The following GPC5 variants were observed in gnomAD, a reference collection of about 807,000 sequenced individuals.
GPC5 encodes glypican 5, also known as glypican-5.
A neutral mutation model predicts 53.9 loss-of-function variants in GPC5; 47 were observed. The ratio of observed to expected loss-of-function variants is 0.87; its 90% CI spans 0.69 to 1.11. The LOEUF (loss-of-function observed/expected upper bound fraction) is 1.11, where lower values mean the gene tolerates loss of function less well. Ranked by LOEUF, GPC5 falls within the 50% of genes most tolerant of loss-of-function variation. The pLI is 0.00. For missense variants in GPC5, 748 were observed against 713.1 expected, an observed-to-expected ratio of 1.05 and a Z score of -0.56; for synonymous variants, 286 against 263.3, an observed-to-expected ratio of 1.09 and a Z score of -0.84.
chr13:92,481,864 G>A (rs1566609693), intron 7 of GPC5, among the ~76,000 whole-genome samples: 1 of 152,008 alleles, frequency 6.6e-6, no homozygotes, highest in Non-Finnish European at 1.5e-5. Context: ...CGCAGTGGCT[G>A]ACACCTGTAA....
intron 7 of GPC5, among the ~76,000 whole-genome samples, chr13:92,492,968 T>TG (rs1879822339): frequency 6.6e-6 from 1 of 152,166 alleles, no homozygotes; most frequent in Non-Finnish European, 1.5e-5. Flanking sequence ...CTGACTTCAG[T>TG]ATGTCAAACA....
chr13:91,506,140 A>G (rs1884928336), intron 2 of GPC5, among the ~76,000 whole-genome samples: 1 of 152,134 alleles, frequency 6.6e-6, no homozygotes, highest in Non-Finnish European at 1.5e-5. Context: ...TAAGTAGCCT[A>G]TTTAAGTCAA....
At chr13:92,451,545 G>A (rs1051589422) in intron 7 of GPC5, among the ~76,000 whole-genome samples, 2 of 151,610 alleles carry the variant, frequency 1.3e-5, no homozygotes, top group African/African-American at 4.8e-5. Flanking sequence ...AGTGATTAAC[G>A]TTATGTATAT....
At chr13:92,576,770 G>T (rs1337773732) in intron 7 of GPC5, among the ~76,000 whole-genome samples, 1 of 152,088 alleles carries the variant, frequency 6.6e-6, no homozygotes, top group African/African-American at 2.4e-5. Flanking sequence ...GACAGTTCCA[G>T]CCCACATTGA....
chr13:91,688,497 C>A (rs2035670815), intron 2 of GPC5, among the ~76,000 whole-genome samples: 1 of 151,954 alleles, frequency 6.6e-6, no homozygotes, highest in Non-Finnish European at 1.5e-5. Context: ...TATTGAAAGT[C>A]CCCCAATTTT....
intron 7 of GPC5, among the ~76,000 whole-genome samples, chr13:92,498,104 C>G (rs1355211398): frequency 1.3e-5 from 2 of 152,068 alleles, no homozygotes; most frequent in African/African-American, 4.8e-5. Context: ...CCTGATTGCA[C>G]TGGCCAGAAA....
intron 4 of GPC5, among the ~76,000 whole-genome samples, chr13:91,729,062 T>G (rs2036638048): frequency 6.6e-6 from 1 of 152,218 alleles, no homozygotes; most frequent in Admixed American, 6.5e-5. Context: ...GCTATTGTAT[T>G]GGACAGTGAA....
intron 5 of GPC5, among the ~76,000 whole-genome samples, chr13:91,849,454 C>G (rs1185870443): frequency 6.6e-6 from 1 of 152,002 alleles, no homozygotes; most frequent in South Asian, 2.1e-4. Flanking sequence ...TATTTTATAC[C>G]TTCCAGTATT....
intron 2 of GPC5, among the ~76,000 whole-genome samples, chr13:91,542,669 T>C (rs753075958): frequency 3.9e-5 from 6 of 152,028 alleles, no homozygotes; most frequent in Admixed American, 1.3e-4. Context: ...GATTGCAGTC[T>C]TCCTCAATTT....
chr13:92,260,997 A>C (rs956216494), intron 7 of GPC5, among the ~76,000 whole-genome samples: 1 of 152,212 alleles, frequency 6.6e-6, no homozygotes, highest in African/African-American at 2.4e-5. Context: ...ACTGGGAATT[A>C]TACATCATAA....
intron 7 of GPC5, among the ~76,000 whole-genome samples, chr13:92,318,295 T>C (rs891190932): frequency 6.6e-6 from 1 of 152,138 alleles, no homozygotes; most frequent in Non-Finnish European, 1.5e-5. Flanking sequence ...TGAATTGCAG[T>C]GTTTGCCAAT....
chr13:92,133,783 C>T (rs553102778), intron 6 of GPC5, among the ~76,000 whole-genome samples: 95 of 152,062 alleles, frequency 6.2e-4, no homozygotes, highest in Middle Eastern at 3.4e-3. Flanking sequence ...GGTCATAAAG[C>T]GAAAAGGCAA....
intron 6 of GPC5, among the ~76,000 whole-genome samples, chr13:92,004,283 A>G (rs1337589713): frequency 6.6e-6 from 1 of 151,076 alleles, no homozygotes; most frequent in Admixed American, 6.6e-5. Flanking sequence ...TGTCTCTACT[A>G]AAAATACAAA....
chr13:91,564,487 A>T (rs1470151178), intron 2 of GPC5, among the ~76,000 whole-genome samples: 2 of 152,190 alleles, frequency 1.3e-5, no homozygotes, highest in African/African-American at 4.8e-5. Flanking sequence ...CATCCTTGGG[A>T]TACAGACAGA....
chr13:92,426,980 A>G (rs1290035166), intron 7 of GPC5, among the ~76,000 whole-genome samples: 1 of 151,976 alleles, frequency 6.6e-6, no homozygotes, highest in Non-Finnish European at 1.5e-5. Flanking sequence ...ATGAGAGACG[A>G]ATCTGTTCTT....
chr13:92,349,772 C>G (rs1364225902), intron 7 of GPC5, among the ~76,000 whole-genome samples: 1 of 151,890 alleles, frequency 6.6e-6, no homozygotes, highest in Non-Finnish European at 1.5e-5. Context: ...GAAGAAAAAC[C>G]CAAGACCTGA....
chr13:91,813,902 G>A (rs979371860), intron 5 of GPC5, among the ~76,000 whole-genome samples: 2 of 133,596 alleles, frequency 1.5e-5, no homozygotes, highest in African/African-American at 5.6e-5. Context: ...TATTTAGACT[G>A]TTGGATTATC....
chr13:92,864,601 C>T (rs1358346705), intron 7 of GPC5, among the ~76,000 whole-genome samples: 1 of 152,014 alleles, frequency 6.6e-6, no homozygotes, highest in Non-Finnish European at 1.5e-5. Flanking sequence ...GTCCTCATAG[C>T]TTCTTGTTAA....
chr13:91,601,627 A>G (rs544323352), intron 2 of GPC5, among the ~76,000 whole-genome samples: 2 of 152,130 alleles, frequency 1.3e-5, no homozygotes, highest in East Asian at 1.9e-4. Context: ...TGCGAATCCT[A>G]TTGTAAACTC....
Sources: gnomAD v4.1 joint callset for allele counts (sites outside exome capture counted in the v4.1 genomes callset) on GRCh38, gnomAD v4.1.1 for gene constraint, MANE v1.5 for transcripts, NCBI Gene and HGNC (gene_info 2026-07-23, HGNC 2026-07-21) for gene names.